ADAMTSL1: variants seen among roughly 807,000 people sequenced by gnomAD.
ADAMTSL1 encodes ADAMTS like 1, also known as ADAMTS-like protein 1.
In ADAMTSL1, 126 loss-of-function variants were observed where a neutral mutation model predicts 201.8. That is an observed-to-expected ratio of 0.62 (90% CI 0.54 to 0.72). ADAMTSL1 has a LOEUF of 0.72. ADAMTSL1 is among the 30% of genes least tolerant of loss of function. ADAMTSL1 has a pLI of 0.00. For synonymous variants in ADAMTSL1, 1,121 were observed against 903.4 expected, an observed-to-expected ratio of 1.24 and a Z score of -4.32; for missense variants, 2,679 against 2,277.8, an observed-to-expected ratio of 1.18 and a Z score of -3.59.
chr9:18,248,629 T>C (rs1366181627), intron 2 of ADAMTSL1, among the ~76,000 whole-genome samples: 1 of 152,142 alleles, frequency 6.6e-6, no homozygotes, highest in Non-Finnish European at 1.5e-5. Flanking sequence ...TCAGAAGGTT[T>C]CAGAGCCTCT....
intron 1 of ADAMTSL1, among the ~76,000 whole-genome samples, chr9:18,014,924 G>C (rs1457369038): frequency 6.6e-6 from 1 of 152,062 alleles, no homozygotes; most frequent in Non-Finnish European, 1.5e-5. Context: ...TAAAGGCCAA[G>C]TATAGTGATC....
At chr9:18,056,250 C>T (rs533316207) in intron 1 of ADAMTSL1, among the ~76,000 whole-genome samples, 7 of 151,572 alleles carry the variant, frequency 4.6e-5, no homozygotes, top group South Asian at 2.1e-4. Flanking sequence ...AGCAATTTTT[C>T]CCCTAAAGGT....
intron 1 of ADAMTSL1, among the ~76,000 whole-genome samples, chr9:18,084,526 AAAAAAGAAAAG>A: frequency 6.6e-6 from 1 of 151,982 alleles, no homozygotes. Flanking sequence ...CATCTCAAAA[AAAAAAGAAAAG>A]AAAAAGAAAA....
chr9:18,467,099 C>T (rs1026598723), intron 2 of ADAMTSL1, among the ~76,000 whole-genome samples: 1 of 152,208 alleles, frequency 6.6e-6, no homozygotes, highest in African/African-American at 2.4e-5. Context: ...TGCTGTACTC[C>T]GTTCTGTGAA....
intron 7 of ADAMTSL1, among the ~76,000 whole-genome samples, chr9:18,651,899 A>C (rs1457792445): frequency 6.8e-6 from 1 of 146,924 alleles, no homozygotes; most frequent in East Asian, 2.0e-4. Context: ...GAATTTATTA[A>C]GTTTATAAAA....
chr9:18,895,576 TC>T (rs1438311231), intron 26 of ADAMTSL1, among the ~76,000 whole-genome samples: 2 of 152,060 alleles, frequency 1.3e-5, no homozygotes, highest in Non-Finnish European at 2.9e-5. Flanking sequence ...CGCTCTAAAG[TC>T]CCAAGGACAG....
intron 4 of ADAMTSL1, among the ~76,000 whole-genome samples, chr9:18,589,708 T>A (rs559228810): frequency 2.0e-5 from 3 of 152,336 alleles, no homozygotes; most frequent in Admixed American, 6.5e-5. Context: ...TGTGTGCTTG[T>A]CATTTATGAC....
chr9:17,926,493 C>T (rs1826538893), intron 1 of ADAMTSL1, among the ~76,000 whole-genome samples: 1 of 152,160 alleles, frequency 6.6e-6, no homozygotes, highest in African/African-American at 2.4e-5. Flanking sequence ...CCCGCATTTC[C>T]ATAGCCACCC....
chr9:18,339,828 G>T (rs904519436), intron 2 of ADAMTSL1, among the ~76,000 whole-genome samples: 1 of 152,002 alleles, frequency 6.6e-6, no homozygotes, highest in African/African-American at 2.4e-5. Context: ...TTGTCTCATT[G>T]TTTAAAGAAA....
chr9:18,824,432 T>G (rs1824405189), intron 21 of ADAMTSL1, among the ~76,000 whole-genome samples: 1 of 152,226 alleles, frequency 6.6e-6, no homozygotes, highest in Non-Finnish European at 1.5e-5. Context: ...GTGACAAGGC[T>G]GTGGTATCCA....
At chr9:18,313,899 A>C (rs552155771) in intron 2 of ADAMTSL1, among the ~76,000 whole-genome samples, 6 of 152,334 alleles carry the variant, frequency 3.9e-5, no homozygotes, top group African/African-American at 1.4e-4. Flanking sequence ...GGCAACCTAT[A>C]GAATGGGAGA....
At chr9:18,260,489 T>C (rs1831875596) in intron 2 of ADAMTSL1, among the ~76,000 whole-genome samples, 1 of 152,258 alleles carries the variant, frequency 6.6e-6, no homozygotes, top group African/African-American at 2.4e-5. Flanking sequence ...TTGTCCATTG[T>C]TGGGCTACCT....
chr9:18,312,369 G>T (rs1289761908), intron 2 of ADAMTSL1, among the ~76,000 whole-genome samples: 4 of 152,286 alleles, frequency 2.6e-5, no homozygotes, highest in Non-Finnish European at 4.4e-5. Flanking sequence ...ATCCACTGTT[G>T]GATGGGTATT....
chr9:18,775,812 C>A lies in ADAMTSL1; in HGVS notation c.2467C>A (p.Leu823Ile), dbSNP rs934472. 784,210 of 1,608,932 alleles carry A rather than the reference C, an allele frequency of 0.49. 193,107 individuals carry two copies. Among genetic ancestry groups the A allele is most frequent in the South Asian group, 0.54 (48,896 of 90,020 alleles). ...TTGCCGAAAGATGCTGAAAACCGGC[C>A]TCTCAACGGTTGTCAATTCCACCCT... ...AICRKMLKTG[L>I]STVVNSTLCP... The change falls in exon 18 of 29, where the codon CTC becomes ATC. Residue 823 changes from leucine (L) to isoleucine (I), a missense_variant. Coordinates refer to ENST00000380548, the MANE Select transcript of ADAMTSL1 (RefSeq NM_001040272.6).
At chr9:18,577,083 C>T (rs1377800303) in intron 4 of ADAMTSL1, among the ~76,000 whole-genome samples, 1 of 152,154 alleles carries the variant, frequency 6.6e-6, no homozygotes, top group African/African-American at 2.4e-5. Flanking sequence ...GACCTGTCTT[C>T]CAGAAATTCA....
chr9:18,240,405 A>G (rs1343051320), intron 2 of ADAMTSL1, among the ~76,000 whole-genome samples: 1 of 151,350 alleles, frequency 6.6e-6, no homozygotes, highest in Non-Finnish European at 1.5e-5. Flanking sequence ...AAACCATGCT[A>G]TAAATAGATG....
chr9:17,953,641 C>T (rs948861540), intron 1 of ADAMTSL1, among the ~76,000 whole-genome samples: 5 of 152,014 alleles, frequency 3.3e-5, no homozygotes, highest in Admixed American at 3.3e-4. Flanking sequence ...GATTTAGAAA[C>T]ATATAACATT....
chr9:17,952,738 G>C (rs1029236632), intron 1 of ADAMTSL1, among the ~76,000 whole-genome samples: 2 of 152,098 alleles, frequency 1.3e-5, no homozygotes, highest in Non-Finnish European at 2.9e-5. Context: ...CGTTGGCCAG[G>C]CTGGTCTCGA....
intron 1 of ADAMTSL1, among the ~76,000 whole-genome samples, chr9:18,480,445 C>A (rs535637765): frequency 6.6e-6 from 1 of 152,150 alleles, no homozygotes; most frequent in Non-Finnish European, 1.5e-5. Flanking sequence ...AATGGCAAAG[C>A]CACCAAGTGG....
Sources: gnomAD v4.1 joint callset for allele counts (sites outside exome capture counted in the v4.1 genomes callset) on GRCh38, gnomAD v4.1.1 for gene constraint, MANE v1.5 for transcripts, NCBI Gene and HGNC (gene_info 2026-07-23, HGNC 2026-07-21) for gene names.